The following BCAR3 variants were observed in gnomAD, a reference collection of about 807,000 sequenced individuals.
BCAR3 encodes the protein BCAR3 adaptor protein, NSP family member, also known as breast cancer anti-estrogen resistance protein 3.
BCAR3 carries 37 observed loss-of-function variants against 80.1 expected under a neutral mutation model. The ratio of observed to expected loss-of-function variants is 0.46; its 90% CI spans 0.36 to 0.61. BCAR3 has a LOEUF of 0.61. Ranked by LOEUF, BCAR3 falls within the 20% of genes least tolerant of loss-of-function variation. The pLI is 0.00. For synonymous variants in BCAR3, 389 were observed against 418.9 expected (o/e 0.93, Z 0.87); for missense variants, 978 against 1,068.2 (o/e 0.92, Z 1.18).
At chr1:93,730,266 T>A (rs1230673896) in intron 2 of BCAR3, among the ~76,000 whole-genome samples, 2 of 152,122 alleles carry the variant, frequency 1.3e-5, no homozygotes, top group East Asian at 3.9e-4. Context: ...CAGAGAGGCC[T>A]TCACTGACTC....
At chr1:93,612,115 A>C (rs1674968457) in intron 3 of BCAR3, among the ~76,000 whole-genome samples, 1 of 152,202 alleles carries the variant, frequency 6.6e-6, no homozygotes, top group Non-Finnish European at 1.5e-5. Flanking sequence ...TGGGGGATTA[A>C]GTACAAGCAG....
chr1:93,771,039 C>T (rs1277474748), intron 2 of BCAR3, among the ~76,000 whole-genome samples: 1 of 152,184 alleles, frequency 6.6e-6, no homozygotes, highest in Non-Finnish European at 1.5e-5. Context: ...TATTTCCAAT[C>T]CAGTCCTTAT....
intron 2 of BCAR3, among the ~76,000 whole-genome samples, chr1:93,826,849 T>C (rs578149713): frequency 6.6e-6 from 1 of 152,042 alleles, no homozygotes; most frequent in South Asian, 2.1e-4. Flanking sequence ...TAAATGCCTA[T>C]GTGTACCTGG....
chr1:93,633,052 T>C (rs895111961), intron 3 of BCAR3, among the ~76,000 whole-genome samples: 1 of 152,108 alleles, frequency 6.6e-6, no homozygotes, highest in African/African-American at 2.4e-5. Flanking sequence ...TAAAATCCAC[T>C]TTTAGCTTAG....
chr1:93,755,851 T>C (rs1651725881), intron 2 of BCAR3, among the ~76,000 whole-genome samples: 1 of 152,242 alleles, frequency 6.6e-6, no homozygotes, highest in South Asian at 2.1e-4. Context: ...TAATATCTAA[T>C]GACAGGGACT....
chr1:93,820,164 T>C (rs1011317072), intron 2 of BCAR3, among the ~76,000 whole-genome samples: 1 of 152,250 alleles, frequency 6.6e-6, no homozygotes, highest in African/African-American at 2.4e-5. Context: ...CTGTGGAAAT[T>C]GGTAAGAATA....
chr1:93,675,925 CAAA>C (rs58706715), intron 1 of BCAR3, among the ~76,000 whole-genome samples: 16 of 51,450 alleles, frequency 3.1e-4, no homozygotes, highest in African/African-American at 6.8e-4. Context: ...AAATAGGAGA[CAAA>C]AAAAAAAAAA....
At chr1:93,768,572 C>T (rs539523710) in intron 2 of BCAR3, among the ~76,000 whole-genome samples, 4 of 152,154 alleles carry the variant, frequency 2.6e-5, no homozygotes, top group East Asian at 3.9e-4. Context: ...AACTTAAAAC[C>T]GGAGCTGGGA....
At chr1:93,675,151 T>G (rs1041655348) in intron 1 of BCAR3, among the ~76,000 whole-genome samples, 9 of 152,196 alleles carry the variant, frequency 5.9e-5, no homozygotes, top group African/African-American at 2.2e-4. Context: ...ATAGGAATTG[T>G]CCTGGGTTGG....
At chr1:93,724,481 G>T (rs996534327) in intron 2 of BCAR3, among the ~76,000 whole-genome samples, 21 of 152,240 alleles carry the variant, frequency 1.4e-4, no homozygotes, top group Admixed American at 7.9e-4. Flanking sequence ...GGTGCCTGCA[G>T]AGTTCAGAAA....
chr1:93,787,133 A>C (rs1652975378), intron 2 of BCAR3, among the ~76,000 whole-genome samples: 1 of 152,238 alleles, frequency 6.6e-6, no homozygotes. Context: ...CTCATAGTTT[A>C]ACATTTAAGC....
intron 2 of BCAR3, among the ~76,000 whole-genome samples, chr1:93,777,372 T>TTCCTCCTCTTCTTCTTCC (rs1652594099): frequency 7.0e-6 from 1 of 143,224 alleles, no homozygotes. Flanking sequence ...CTTCTTCTTC[T>TTCCTCCTCTTCTTCTTCC]TCCTCCTCTT....
intron 2 of BCAR3, among the ~76,000 whole-genome samples, chr1:93,718,693 T>C (rs1018189974): frequency 3.3e-3 from 360 of 109,474 alleles, no homozygotes; most frequent in African/African-American, 0.011. Context: ...TTTTTCTTTT[T>C]TTTTTTTTTT....
chr1:93,680,298 A>G (rs1179466994), intron 1 of BCAR3, among the ~76,000 whole-genome samples: 1 of 152,228 alleles, frequency 6.6e-6, no homozygotes, highest in East Asian at 1.9e-4. Flanking sequence ...TGGAAATGCC[A>G]GCCTTCTCAG....
chr1:93,704,433 C>T (rs765728800), intron 3 of BCAR3, among the ~76,000 whole-genome samples: 3 of 152,138 alleles, frequency 2.0e-5, no homozygotes, highest in African/African-American at 4.8e-5. Flanking sequence ...GTAGGTACTG[C>T]TATTCTCATT....
At chr1:93,627,438 G>C (rs941893383) in intron 3 of BCAR3, among the ~76,000 whole-genome samples, 2 of 152,134 alleles carry the variant, frequency 1.3e-5, no homozygotes, top group Admixed American at 6.5e-5. Flanking sequence ...ATCTGAAGAG[G>C]CTATTAAAAT....
chr1:93,653,917 C>T (rs1441518620), intron 2 of BCAR3, among the ~76,000 whole-genome samples: 1 of 152,206 alleles, frequency 6.6e-6, no homozygotes, highest in Non-Finnish European at 1.5e-5. Context: ...CACCTGAGCG[C>T]AGGCCACCAT....
At chr1:93,763,911 G>C (rs1652049993) in intron 2 of BCAR3, among the ~76,000 whole-genome samples, 1 of 152,142 alleles carries the variant, frequency 6.6e-6, no homozygotes, top group South Asian at 2.1e-4. Context: ...GAGCTGAGCT[G>C]GCAGGAGCTG....
intron 2 of BCAR3, among the ~76,000 whole-genome samples, chr1:93,747,008 T>C (rs1467158538): frequency 6.6e-6 from 1 of 152,246 alleles, no homozygotes; most frequent in Admixed American, 6.5e-5. Context: ...TTGGCTTTCC[T>C]CAGGGCTGTG....
Sources: allele counts gnomAD v4.1 joint callset (sites outside exome capture counted in the v4.1 genomes callset), GRCh38; gene constraint gnomAD v4.1.1; transcripts MANE v1.5; gene names NCBI Gene and HGNC (gene_info 2026-07-23, HGNC 2026-07-21).